Variants in NGEF observed in about 807,000 individuals in gnomAD.
The protein encoded by NGEF is neuronal guanine nucleotide exchange factor.
In NGEF, 31 loss-of-function variants were observed where a neutral mutation model predicts 80.9. The observed-to-expected ratio is 0.38, with a 90% CI of 0.29 to 0.52. NGEF has a LOEUF of 0.52. NGEF is among the 20% of genes least tolerant of loss of function. The pLI is 0.84. For synonymous variants in NGEF, 371 were observed against 370.2 expected (o/e 1.00, Z -0.03); for missense variants, 709 against 926.2 (o/e 0.77, Z 3.04).
chr2:232,909,058 T>C (rs1423524281), intron 5 of NGEF, among the ~76,000 whole-genome samples: 1 of 152,246 alleles, frequency 6.6e-6, no homozygotes, highest in Admixed American at 6.5e-5. Context: ...TTTCTGGCTT[T>C]CTCTCCTACT....
intron 4 of NGEF, among the ~76,000 whole-genome samples, chr2:232,924,816 C>T (rs772907615): frequency 6.6e-6 from 1 of 152,176 alleles, no homozygotes; most frequent in Non-Finnish European, 1.5e-5. Context: ...TACAAGTAAC[C>T]TTAGAGTCTT....
intron 3 of NGEF, among the ~76,000 whole-genome samples, chr2:232,965,748 C>T (rs1288690020): frequency 6.6e-6 from 1 of 152,122 alleles, no homozygotes; most frequent in Non-Finnish European, 1.5e-5. Context: ...CATGGAGATC[C>T]AGCTCAGAGA....
intron 3 of NGEF, among the ~76,000 whole-genome samples, chr2:232,935,036 T>A (rs1249053311): frequency 6.6e-6 from 1 of 151,918 alleles, no homozygotes; most frequent in African/African-American, 2.4e-5. Context: ...TAAGAATAAT[T>A]GGTGAATGAA....
chr2:232,913,926 T>G lies in NGEF; in HGVS notation c.828+6358A>C, dbSNP rs565759060. On this transcript the variant is annotated intron_variant, in intron 5 of 14. Coordinates refer to ENST00000264051, the MANE Select transcript of NGEF (RefSeq NM_019850.3). The stretch of plus-strand genomic sequence containing the variant: ...CAGAGTGAGACTCCATCTCAAAAAA[T>G]AAAAGTAAAATAAAATAAAATAATT... Among the ~76,000 whole-genome samples the G allele has an allele frequency of 4.0e-5, 6 of 151,772 alleles. No homozygotes were observed. In the East Asian group the frequency reaches 1.2e-3, roughly 29 times the overall value.
chr2:232,883,104 C>T (rs908947832), intron 12 of NGEF, among the ~76,000 whole-genome samples: 3 of 152,220 alleles, frequency 2.0e-5, no homozygotes, highest in African/African-American at 2.4e-5. Context: ...CACACGTACA[C>T]GCGTACACGC....
At chr2:232,884,920 A>G (rs1249858161) in intron 10 of NGEF, 1 of 188,626 alleles carries the variant, frequency 5.3e-6, no homozygotes, top group African/African-American at 2.3e-5. Flanking sequence ...TAACTTCCAA[A>G]TCCTCCTGGT....
chr2:232,909,530 T>C (rs113141085), intron 5 of NGEF, among the ~76,000 whole-genome samples: 2 of 152,184 alleles, frequency 1.3e-5, no homozygotes, highest in African/African-American at 4.8e-5. Context: ...CACAATAAAA[T>C]GGAAGATATT....
At position 232,879,497 on chromosome 2, in the gene NGEF, G is replaced by T; in HGVS notation, c.2125C>A (p.Arg709=). 1 of 1,601,914 alleles carries T rather than the reference G, an allele frequency of 6.2e-7. No homozygotes were observed. The change falls in exon 15 of 15, where the codon CGG becomes AGG. Residue 709 remains arginine (R), a synonymous_variant. Coordinates refer to ENST00000264051, the MANE Select transcript of NGEF (RefSeq NM_019850.3). ...GGCCCCCTGGGTGGGGGTCATTGCC[G>T]ATTCCGGCTGCCCAGCTTCCTGCGG... is the stretch of plus-strand genomic sequence containing the variant. ...KDRRKLGSRN[R]Q
chr2:232,955,440 A>T (rs1471100971), intron 3 of NGEF, among the ~76,000 whole-genome samples: 1 of 152,146 alleles, frequency 6.6e-6, no homozygotes, highest in East Asian at 1.9e-4. Flanking sequence ...CCAGTCTAGG[A>T]TCATCATGGC....
At chr2:233,009,003 G>A (rs917097152) in intron 1 of NGEF, among the ~76,000 whole-genome samples, 1 of 152,036 alleles carries the variant, frequency 6.6e-6, no homozygotes. Flanking sequence ...TGCCATGTTG[G>A]CCAGGCTGGT....
intron 1 of NGEF, among the ~76,000 whole-genome samples, chr2:232,999,971 T>TA (rs1439145502): frequency 2.6e-5 from 4 of 152,208 alleles, no homozygotes; most frequent in Non-Finnish European, 4.4e-5. Context: ...AACACTGCCA[T>TA]AAAAAATACT....
chr2:232,946,529 C>T (rs368242497), intron 3 of NGEF, among the ~76,000 whole-genome samples: 11 of 152,202 alleles, frequency 7.2e-5, no homozygotes, highest in South Asian at 6.2e-4. Flanking sequence ...TGAACTCACA[C>T]GCACACATAC....
At chr2:232,976,387 C>T (rs150723540) in intron 1 of NGEF, among the ~76,000 whole-genome samples, 29 of 152,278 alleles carry the variant, frequency 1.9e-4, no homozygotes, top group African/African-American at 6.7e-4. Flanking sequence ...CCTCTGAGTT[C>T]CCAAACACCT....
intron 1 of NGEF, among the ~76,000 whole-genome samples, chr2:233,011,018 A>G (rs1455546238): frequency 1.3e-5 from 2 of 152,186 alleles, no homozygotes; most frequent in Non-Finnish European, 1.5e-5. Context: ...ATCCAGGCTC[A>G]GAGATGGAAC....
chr2:232,896,346 C>T lies in NGEF; in HGVS notation c.829-1430G>A, dbSNP rs551481709. Among the ~76,000 whole-genome samples, 10 of 152,204 alleles carry T rather than the reference C, an allele frequency of 6.6e-5. 1 individual carries two copies. In the South Asian group the frequency reaches 1.9e-3, roughly 28 times the overall value. ...GGCACAGACAGAGATGGGACTGATA[C>T]AGCCACCAGCAGTTGGAGTTGGCCA... On this transcript the variant is annotated intron_variant, in intron 5 of 14. Coordinates refer to ENST00000264051, the MANE Select transcript of NGEF (RefSeq NM_019850.3).
intron 3 of NGEF, among the ~76,000 whole-genome samples, chr2:232,938,635 T>C (rs1693378696): frequency 6.6e-6 from 1 of 150,972 alleles, no homozygotes; most frequent in Admixed American, 6.6e-5. Context: ...GGCTCATGCC[T>C]GTAATCCCAG....
intron 4 of NGEF, among the ~76,000 whole-genome samples, chr2:232,922,333 C>T (rs1006443496): frequency 4.6e-5 from 7 of 152,128 alleles, no homozygotes; most frequent in Non-Finnish European, 1.0e-4. Flanking sequence ...CTAGTAAGGC[C>T]GCCCTATGGA....
intron 3 of NGEF, among the ~76,000 whole-genome samples, chr2:232,931,670 G>A (rs1374028388): frequency 6.6e-6 from 1 of 152,176 alleles, no homozygotes; most frequent in South Asian, 2.1e-4. Context: ...AAGAATAGAG[G>A]TGAGATTCTA....
chr2:232,985,958 G>GA (rs917227662), intron 1 of NGEF, among the ~76,000 whole-genome samples: 71 of 148,658 alleles, frequency 4.8e-4, no homozygotes, highest in Non-Finnish European at 8.5e-4. Context: ...AAAGAAAAAA[G>GA]AAAAAAAAAG....
Sources: gnomAD v4.1 joint callset for allele counts (sites outside exome capture counted in the v4.1 genomes callset) on GRCh38, gnomAD v4.1.1 for gene constraint, MANE v1.5 for transcripts, NCBI Gene and HGNC (gene_info 2026-07-23, HGNC 2026-07-21) for gene names.